XKR9: variants seen among roughly 807,000 people sequenced by gnomAD.
XKR9 encodes the protein XK related 9.
In XKR9, 32 loss-of-function variants were observed where a neutral mutation model predicts 32.0. That is an observed-to-expected ratio of 1.00 (90% CI 0.76 to 1.34). The LOEUF (loss-of-function observed/expected upper bound fraction) is 1.34. Among genes scored for constraint, XKR9 ranks in the 40% most tolerant of loss-of-function variants. The probability of loss-of-function intolerance (pLI) is 0.00; values close to 1 mark genes in which losing one functional copy is unlikely to be tolerated. For synonymous variants in XKR9, 168 were observed against 143.4 expected, an observed-to-expected ratio of 1.17 and a Z score of -1.22; for missense variants, 546 against 429.7, an observed-to-expected ratio of 1.27 and a Z score of -2.39.
chr8:70,744,166 C>G (rs1447385845), intron 2 of XKR9, among the ~76,000 whole-genome samples: 1 of 151,904 alleles, frequency 6.6e-6, no homozygotes, highest in Non-Finnish European at 1.5e-5. Context: ...CAAAAATTAG[C>G]TAGGTGTGGT....
chr8:70,904,815 G>C, the XKR9 span, among the ~76,000 whole-genome samples: 1 of 152,142 alleles, frequency 6.6e-6, no homozygotes, highest in African/African-American at 2.4e-5. Flanking sequence ...AGGCAGGCCT[G>C]GTGGTGACAA....
At chr8:70,909,703 CTTT>C in the XKR9 span, among the ~76,000 whole-genome samples, 9 of 91,162 alleles carry the variant, frequency 9.9e-5, no homozygotes, top group African/African-American at 2.0e-4. Flanking sequence ...TCGATTTATC[CTTT>C]TTTTTTTTTT....
chr8:70,703,648 T>C (rs536222980), intron 3 of XKR9, among the ~76,000 whole-genome samples: 31 of 152,326 alleles, frequency 2.0e-4, no homozygotes, highest in Admixed American at 1.9e-3. Context: ...CCTATCTTCA[T>C]GTTCACCAAT....
At chr8:70,687,331 T>TTTCTTTCC (rs1819324064) in intron 3 of XKR9, among the ~76,000 whole-genome samples, 1 of 148,656 alleles carries the variant, frequency 6.7e-6, no homozygotes, top group African/African-American at 2.5e-5. Flanking sequence ...TCTTTCTTTC[T>TTTCTTTCC]TTCTTTCTTT....
At chr8:70,797,004 C>T in the XKR9 span, among the ~76,000 whole-genome samples, 5 of 152,068 alleles carry the variant, frequency 3.3e-5, no homozygotes. Flanking sequence ...GATCCTGTGA[C>T]CCCAGTTAGC....
chr8:70,757,748 G>C (rs150527268), intron 2 of XKR9, among the ~76,000 whole-genome samples: 3 of 152,036 alleles, frequency 2.0e-5, no homozygotes, highest in Non-Finnish European at 4.4e-5. Flanking sequence ...CACCATGCCT[G>C]GCTAATTTTT....
chr8:70,949,872 C>G, the XKR9 span, among the ~76,000 whole-genome samples: 1 of 152,072 alleles, frequency 6.6e-6, no homozygotes, highest in African/African-American at 2.4e-5. Context: ...TATGGATCAT[C>G]TTATATAATC....
At chr8:71,006,825 C>T in the XKR9 span, among the ~76,000 whole-genome samples, 1 of 152,174 alleles carries the variant, frequency 6.6e-6, no homozygotes, top group Non-Finnish European at 1.5e-5. Flanking sequence ...TATCCTTAGT[C>T]TTCTTAATAA....
chr8:70,849,236 A>G, the XKR9 span, among the ~76,000 whole-genome samples: 4 of 151,752 alleles, frequency 2.6e-5, no homozygotes, highest in African/African-American at 7.3e-5. Flanking sequence ...ACAAAACAAA[A>G]CAAAAAACCA....
chr8:70,779,920 AT>A (rs1177891907), intron 2 of XKR9, among the ~76,000 whole-genome samples: 4 of 151,654 alleles, frequency 2.6e-5, no homozygotes, highest in African/African-American at 4.8e-5. Context: ...GGATTCATTG[AT>A]TTTTTGAAGG....
intron 2 of XKR9, among the ~76,000 whole-genome samples, chr8:70,760,743 C>T (rs1454527525): frequency 6.6e-6 from 1 of 152,120 alleles, no homozygotes; most frequent in Admixed American, 6.6e-5. Flanking sequence ...GGTACATGTG[C>T]AGGATGTGCA....
chr8:70,984,079 G>A, the XKR9 span, among the ~76,000 whole-genome samples: 1 of 152,300 alleles, frequency 6.6e-6, no homozygotes, highest in African/African-American at 2.4e-5. Flanking sequence ...TGAGTTGCTA[G>A]CAGTAGGACA....
intron 2 of XKR9, among the ~76,000 whole-genome samples, chr8:70,741,220 G>C (rs1442798596): frequency 1.3e-5 from 2 of 152,190 alleles, no homozygotes; most frequent in African/African-American, 4.8e-5. Context: ...GATTAGTTTA[G>C]ATAAGGTTAT....
chr8:71,028,434 C>G, the XKR9 span, among the ~76,000 whole-genome samples: 1 of 152,018 alleles, frequency 6.6e-6, no homozygotes, highest in Non-Finnish European at 1.5e-5. Flanking sequence ...AAAAGTTAAA[C>G]TCATAGAAGT....
At chr8:70,834,737 C>T in the XKR9 span, among the ~76,000 whole-genome samples, 1 of 152,084 alleles carries the variant, frequency 6.6e-6, no homozygotes, top group African/African-American at 2.4e-5. Flanking sequence ...CAGGACAAGA[C>T]TGGTTACACA....
At chr8:70,971,173 T>C in the XKR9 span, among the ~76,000 whole-genome samples, 2 of 152,280 alleles carry the variant, frequency 1.3e-5, no homozygotes, top group African/African-American at 4.8e-5. Context: ...AGGAGTGAAG[T>C]GGTATCGCAT....
intron 4 of XKR9, among the ~76,000 whole-genome samples, chr8:70,728,358 A>T (rs997104070): frequency 9.2e-5 from 14 of 152,134 alleles, no homozygotes; most frequent in African/African-American, 3.4e-4. Flanking sequence ...GTAGGTGCTG[A>T]CCCCAAGGTG....
At chr8:70,883,857 G>T in the XKR9 span, among the ~76,000 whole-genome samples, 3 of 152,080 alleles carry the variant, frequency 2.0e-5, no homozygotes, top group Admixed American at 2.0e-4. Context: ...TTGTGTTCAG[G>T]TTTTTTGGTA....
intron 3 of XKR9, among the ~76,000 whole-genome samples, chr8:70,705,838 G>A (rs1027351167): frequency 5.3e-5 from 8 of 152,094 alleles, no homozygotes; most frequent in African/African-American, 1.9e-4. Context: ...CCAATTATGA[G>A]GTTGTTGAAA....
Sources: gnomAD v4.1 joint callset for allele counts (sites outside exome capture counted in the v4.1 genomes callset) on GRCh38, gnomAD v4.1.1 for gene constraint, MANE v1.5 for transcripts, NCBI Gene and HGNC (gene_info 2026-07-23, HGNC 2026-07-21) for gene names.